ADCY2: variants seen among roughly 807,000 people sequenced by gnomAD.
ADCY2 encodes adenylate cyclase 2.
A neutral mutation model predicts 125.2 loss-of-function variants in ADCY2; 31 were observed. The observed-to-expected ratio is 0.25, with a 90% CI of 0.19 to 0.33. The LOEUF is 0.33. ADCY2 is among the 10% of genes least tolerant of loss of function. The probability of loss-of-function intolerance (pLI) is 1.00; values close to 1 mark genes in which losing one functional copy is unlikely to be tolerated. For synonymous variants in ADCY2, 512 were observed against 548.4 expected, an observed-to-expected ratio of 0.93 and a Z score of 0.93; for missense variants, 904 against 1,418.2, an observed-to-expected ratio of 0.64 and a Z score of 5.82.
At chr5:7,637,930 A>T (rs1738565682) in intron 4 of ADCY2, among the ~76,000 whole-genome samples, 1 of 152,204 alleles carries the variant, frequency 6.6e-6, no homozygotes, top group Non-Finnish European at 1.5e-5. Context: ...AAAAGCAAAA[A>T]GGCTAGGAGC....
intron 2 of ADCY2, among the ~76,000 whole-genome samples, chr5:7,419,865 T>A (rs565485457): frequency 6.6e-6 from 1 of 152,312 alleles, no homozygotes; most frequent in African/African-American, 2.4e-5. Context: ...CCAGACCCTG[T>A]TCTGAGTGCT....
At chr5:7,471,577 GCTAT>G (rs1265200783) in intron 2 of ADCY2, among the ~76,000 whole-genome samples, 1 of 151,654 alleles carries the variant, frequency 6.6e-6, no homozygotes, top group South Asian at 2.1e-4. Flanking sequence ...ATAATATGTG[GCTAT>G]CTTTCTATGA....
chr5:7,536,044 A>G (rs1169555314), intron 3 of ADCY2, among the ~76,000 whole-genome samples: 2 of 152,260 alleles, frequency 1.3e-5, no homozygotes, highest in Non-Finnish European at 2.9e-5. Context: ...TCCTACATCT[A>G]GCTCAAGAAG....
At chr5:7,631,028 C>A (rs1738294296) in intron 4 of ADCY2, among the ~76,000 whole-genome samples, 1 of 152,080 alleles carries the variant, frequency 6.6e-6, no homozygotes, top group Non-Finnish European at 1.5e-5. Context: ...TGATCTCAAG[C>A]AATCCACCCA....
chr5:7,448,661 G>A (rs960051080), intron 2 of ADCY2, among the ~76,000 whole-genome samples: 3 of 152,026 alleles, frequency 2.0e-5, no homozygotes, highest in Admixed American at 6.6e-5. Context: ...GTCCTCGTGT[G>A]TGTTGTTCCC....
chr5:7,445,237 G>A (rs760827863), intron 2 of ADCY2, among the ~76,000 whole-genome samples: 1 of 152,132 alleles, frequency 6.6e-6, no homozygotes, highest in Non-Finnish European at 1.5e-5. Context: ...GATTCATGGG[G>A]CATTTGTCCC....
At chr5:7,675,082 G>A (rs1316523774) in intron 4 of ADCY2, among the ~76,000 whole-genome samples, 1 of 151,736 alleles carries the variant, frequency 6.6e-6, no homozygotes, top group Middle Eastern at 3.2e-3. Context: ...GTGAACCCGG[G>A]AGGCAGCAGA....
At chr5:7,596,479 C>T (rs1561116686) in intron 3 of ADCY2, among the ~76,000 whole-genome samples, 1 of 152,134 alleles carries the variant, frequency 6.6e-6, no homozygotes, top group Non-Finnish European at 1.5e-5. Flanking sequence ...AACGAAATAC[C>T]TAAAATGACA....
intron 23 of ADCY2, among the ~76,000 whole-genome samples, chr5:7,820,213 C>T (rs1261126741): frequency 6.6e-6 from 1 of 152,136 alleles, no homozygotes; most frequent in Non-Finnish European, 1.5e-5. Flanking sequence ...GAAGCTTTGG[C>T]CTGGCGCGGT....
chr5:7,479,311 A>G (rs955346286), intron 2 of ADCY2, among the ~76,000 whole-genome samples: 5 of 151,198 alleles, frequency 3.3e-5, no homozygotes, highest in Admixed American at 1.3e-4. Context: ...TGCTGGGATC[A>G]TAACGTTATT....
At chr5:7,727,576 C>A (rs774544896) in intron 14 of ADCY2, among the ~76,000 whole-genome samples, 26 of 152,128 alleles carry the variant, frequency 1.7e-4, no homozygotes, top group Non-Finnish European at 3.4e-4. Context: ...AAACTTTACC[C>A]ACAAAGAGTG....
In ADCY2 at chr5:7,709,188, G is replaced by C; in HGVS notation, c.1402-23G>C. The C allele has an allele frequency of 5.1e-6, 8 of 1,584,034 alleles. No individual in the cohort carries two copies. Among genetic ancestry groups the C allele is most frequent in the Non-Finnish European group, 6.9e-6 (8 of 1,164,700 alleles). On this transcript the variant is annotated intron_variant, in intron 9 of 24. Transcript: ENST00000338316. The surrounding 1 kb of genome is among the most constrained non-coding windows in gnomAD (Gnocchi z 4.4). ...TGTGGCCCTGTGCTGTGCCAGGTGTGATGCTTTGTTTCTCACCCCAAGGGA... is the reference window on the plus strand; with the variant it reads ...TGTGGCCCTGTGCTGTGCCAGGTGTCATGCTTTGTTTCTCACCCCAAGGGA...
intron 2 of ADCY2, among the ~76,000 whole-genome samples, chr5:7,444,622 AT>A (rs1741162257): frequency 6.6e-6 from 1 of 151,838 alleles, no homozygotes; most frequent in South Asian, 2.1e-4. Flanking sequence ...AATTTTTTCC[AT>A]TTTTGCCGGT....
rs189151226 is a variant in ADCY2 at position 7,803,923 on chromosome 5, T to C, written c.2776-662T>C. 2.2e-3 allele frequency among the ~76,000 whole-genome samples: 321 copies of C among 148,472 alleles called. 2 individuals carry two copies. The highest frequency in any genetic ancestry group is 7.6e-3 in the African/African-American group (310 of 40,570). ...TCGAATATATATATATATATTTTTA[T>C]ATATATGTGTGTGTGTATATATATA... On this transcript the variant is annotated intron_variant, in intron 21 of 24. Transcript: ENST00000338316.
intron 4 of ADCY2, among the ~76,000 whole-genome samples, chr5:7,635,968 A>C (rs1264029990): frequency 6.6e-6 from 1 of 152,108 alleles, no homozygotes; most frequent in East Asian, 1.9e-4. Flanking sequence ...GACCTCACAG[A>C]CAGCCTGATA....
intron 20 of ADCY2, chr5:7,799,653 C>T (rs1288009043): frequency 2.0e-5 from 3 of 152,512 alleles, no homozygotes; most frequent in Middle Eastern, 3.4e-3. Context: ...TGGTGGCAAC[C>T]GCAGCTCCCC....
At chr5:7,606,782 G>A (rs1369122942) in intron 3 of ADCY2, among the ~76,000 whole-genome samples, 5 of 152,014 alleles carry the variant, frequency 3.3e-5, no homozygotes, top group African/African-American at 1.2e-4. Context: ...ATTTGCTTTC[G>A]GAATGAAAGG....
intron 4 of ADCY2, among the ~76,000 whole-genome samples, chr5:7,626,612 G>A (rs965390460): frequency 3.9e-5 from 6 of 152,170 alleles, no homozygotes; most frequent in African/African-American, 1.4e-4. Flanking sequence ...TCCACTCATG[G>A]ATAATGGGTA....
intron 2 of ADCY2, among the ~76,000 whole-genome samples, chr5:7,506,164 A>G (rs911204453): frequency 6.6e-6 from 1 of 152,214 alleles, no homozygotes; most frequent in African/African-American, 2.4e-5. Context: ...CCAATGGCAT[A>G]GTCTATTAGC....
Sources: gnomAD v4.1 joint callset for allele counts (sites outside exome capture counted in the v4.1 genomes callset) on GRCh38, gnomAD v4.1.1 for gene constraint, Gnocchi (gnomAD v3.1) non-coding constraint, MANE v1.5 for transcripts, NCBI Gene and HGNC (gene_info 2026-07-23, HGNC 2026-07-21) for gene names.